The following STON1 variants were observed in gnomAD, a reference collection of about 807,000 sequenced individuals.
STON1 encodes the protein stonin 1.
A neutral mutation model predicts 60.9 loss-of-function variants in STON1; 79 were observed. That is an observed-to-expected ratio of 1.30 (90% confidence interval 1.08 to 1.56). STON1 has a LOEUF of 1.56. Ranked by LOEUF, STON1 falls within the 40% of genes most tolerant of loss-of-function variation. The probability of loss-of-function intolerance (pLI) is 0.00; values close to 1 mark genes in which losing one functional copy is unlikely to be tolerated. For synonymous variants in STON1, 363 were observed against 306.9 expected (o/e 1.18, Z -1.91); for missense variants, 1,166 against 858.9 (o/e 1.36, Z -4.47).
intron 1 of STON1, among the ~76,000 whole-genome samples, chr2:48,564,479 CTT>C (rs371577544): frequency 2.4e-4 from 6 of 25,192 alleles, no homozygotes; most frequent in African/African-American, 7.2e-4. Context: ...TCTTCTTCTT[CTT>C]TCTTCTTCTT....
In STON1 at chr2:48,596,298, G is replaced by T. The variant is rs1674779229; in HGVS notation, c.*996G>T. On this transcript the variant is annotated 3_prime_UTR_variant, in exon 4 of 4. Transcript: ENST00000404752. Reference sequence around the variant, plus strand: ...TCATTAAAAGGTGAGCAAAGTGAAAGATACTTGGTATTTTACCCAGATTTC... The same window carrying T: ...TCATTAAAAGGTGAGCAAAGTGAAATATACTTGGTATTTTACCCAGATTTC... 1 of 152,140 alleles carries T rather than the reference G, an allele frequency of 6.6e-6. No homozygotes were observed. Among genetic ancestry groups the T allele is most frequent in the Non-Finnish European group, 1.5e-5 (1 of 68,008 alleles). The allele number at this position is 152,140 out of a possible 1,614,324, so 9.4% of individuals were successfully genotyped here. A position where few individuals can be genotyped will look rare whatever the true frequency, so the allele number is the denominator to read the frequency against.
In STON1 at chr2:48,597,101, C is replaced by G. The variant is rs537667654; in HGVS notation, c.*1799C>G. ...CTCCTGACCTCAGGTGATCCACCAG[C>G]CTCGGCCTCCCAAAGTTCTGGGATT... On this transcript the variant is annotated 3_prime_UTR_variant, in exon 4 of 4. Coordinates refer to ENST00000404752, the MANE Select transcript of STON1 (RefSeq NM_006873.4). The G allele has an allele frequency of 6.6e-6, 1 of 152,336 alleles. No homozygotes were observed. Among genetic ancestry groups the G allele is most frequent in the East Asian group, 1.9e-4 (1 of 5,182 alleles). 9.4% of individuals were successfully genotyped at this position (152,336 alleles called of 1,614,324 possible). A position where few individuals can be genotyped will look rare whatever the true frequency, so the allele number is the denominator to read the frequency against.
chr2:48,550,444 C>T lies in STON1; in HGVS notation c.-48+20228C>T, dbSNP rs1031069693. On this transcript the variant is annotated intron_variant, in intron 1 of 3. Coordinates refer to ENST00000404752, the MANE Select transcript of STON1 (RefSeq NM_006873.4). ...CCTAGGAGGCAGAGGTTGTAGTCAG[C>T]TGAGATTGCACCATTGCACTCCAGC... 2.7e-5 allele frequency among the ~76,000 whole-genome samples: 4 copies of T among 150,610 alleles called. No homozygotes were observed. The Admixed American group carries it at 2.7e-4, about 10-fold the overall frequency.
chr2:48,580,833 T>C lies in STON1; in HGVS notation c.200T>C (p.Val67Ala). 6.5e-7 allele frequency: 1 copy of C among 1,547,300 alleles called. No homozygotes were observed. The highest frequency in any genetic ancestry group is 2.1e-5 in the Admixed American group (1 of 48,556). Reference sequence around the variant, plus strand: ...AGCACTCCTCTCTCCTCCCCCATTGTAGATTTTTATTTCAGTCCAGGACCT... The same window carrying C: ...AGCACTCCTCTCTCCTCCCCCATTGCAGATTTTTATTTCAGTCCAGGACCT... Reference protein sequence around the residue: ...TSSTPLSSPIVDFYFSPGPPS... With the variant: ...TSSTPLSSPIADFYFSPGPPS... The change falls in exon 2 of 4, where the codon GTA becomes GCA. Residue 67 changes from valine (V) to alanine (A), a missense_variant. Physicochemically the swap from Val to Ala is moderately conservative, Grantham distance 64. Coordinates refer to ENST00000404752, the MANE Select transcript of STON1 (RefSeq NM_006873.4).
chr2:48,542,700 C>T (rs1402143685), intron 1 of STON1, among the ~76,000 whole-genome samples: 8 of 152,024 alleles, frequency 5.3e-5, no homozygotes, highest in African/African-American at 1.7e-4. Context: ...AGGCCAGGAG[C>T]TCAAGACCAG....
rs551990746 is a variant in STON1, at chr2:48,563,810, C to T, written c.-47-16777C>T. Among the ~76,000 whole-genome samples, 77 of 152,234 alleles carry T rather than the reference C, an allele frequency of 5.1e-4. No homozygotes were observed. The East Asian group carries it at 0.013, about 26-fold the overall frequency. On this transcript the variant is annotated intron_variant, in intron 1 of 3. Coordinates refer to ENST00000404752, the MANE Select transcript of STON1 (RefSeq NM_006873.4). ...CCAGGTTCAAGCAGTTCTCTCACCT[C>T]GGCCTCCTAAGTAGCTGGGACTACA...
At chr2:48,590,636 A>AACACACACACACAGAC (rs1674456099) in intron 2 of STON1, among the ~76,000 whole-genome samples, 1 of 142,034 alleles carries the variant, frequency 7.0e-6, no homozygotes, top group Non-Finnish European at 1.5e-5. Context: ...ATTTCCTTAT[A>AACACACACACACAGAC]ACACACACAC....
chr2:48,576,990 C>T (rs1673547538), intron 1 of STON1, among the ~76,000 whole-genome samples: 1 of 151,076 alleles, frequency 6.6e-6, no homozygotes, highest in African/African-American at 2.4e-5. Context: ...GGAGATGGAG[C>T]TTGCCGTGAG....
intron 2 of STON1, among the ~76,000 whole-genome samples, chr2:48,584,796 T>C (rs1350478879): frequency 1.3e-5 from 2 of 152,100 alleles, no homozygotes; most frequent in Non-Finnish European, 2.9e-5. Flanking sequence ...CAGACTACAA[T>C]TGACTTGAGG....
chr2:48,595,335 G>A lies in STON1; in HGVS notation c.*33G>A, dbSNP rs779464345. 1.3e-6 allele frequency: 2 copies of A among 1,572,436 alleles called. No homozygotes were observed. The highest frequency in any genetic ancestry group is 3.4e-5 in the Admixed American group (2 of 59,526). ...AAGAGTTTATGATGACAGCCCACTT[G>A]TCAAATATGTAATTCACCGAAACCA... On this transcript the variant is annotated 3_prime_UTR_variant, in exon 4 of 4. Transcript: ENST00000404752.
chr2:48,575,887 C>A (rs1225326767), intron 1 of STON1, among the ~76,000 whole-genome samples: 1 of 150,124 alleles, frequency 6.7e-6, no homozygotes, highest in Non-Finnish European at 1.5e-5. Context: ...GCCTCCCAAG[C>A]AGCTGAGATT....
At chr2:48,530,850 T>C (rs1445357883) in intron 1 of STON1, 1 of 152,282 alleles carries the variant, frequency 6.6e-6, no homozygotes, top group African/African-American at 2.4e-5. Flanking sequence ...TCACTGGGTA[T>C]TGGGGTTGGG....
chr2:48,538,715 A>G (rs957064442), intron 1 of STON1, among the ~76,000 whole-genome samples: 6 of 148,344 alleles, frequency 4.0e-5, no homozygotes, highest in African/African-American at 1.5e-4. Flanking sequence ...CTGTTGCCTC[A>G]GCCTCCCGAG....
chr2:48,586,065 A>G (rs570981601), intron 2 of STON1, among the ~76,000 whole-genome samples: 1 of 152,362 alleles, frequency 6.6e-6, no homozygotes, highest in South Asian at 2.1e-4. Flanking sequence ...TGAAGGAAAT[A>G]AGCACTTGGC....
intron 1 of STON1, among the ~76,000 whole-genome samples, chr2:48,579,550 T>C (rs897574718): frequency 5.3e-5 from 8 of 152,240 alleles, no homozygotes; most frequent in African/African-American, 1.9e-4. Context: ...ATTATTAATT[T>C]CTAGTTTTAT....
In STON1 at chr2:48,597,766, A is replaced by G. The variant is rs994938526; in HGVS notation, c.*2464A>G. On this transcript the variant is annotated 3_prime_UTR_variant, in exon 4 of 4. Coordinates refer to ENST00000404752, the MANE Select transcript of STON1 (RefSeq NM_006873.4). The stretch of plus-strand genomic sequence containing the variant: ...TTAAATATTCATTACTTAATGTTAA[A>G]TTAACATTCTGTGTAGGGAGGGGAG... 2 of 152,600 alleles carry G rather than the reference A, an allele frequency of 1.3e-5. No individual in the cohort carries two copies. Among genetic ancestry groups the G allele is most frequent in the African/African-American group, 4.8e-5 (2 of 41,454 alleles). 9.5% of individuals were successfully genotyped at this position (152,600 alleles called of 1,614,324 possible).
intron 2 of STON1, among the ~76,000 whole-genome samples, chr2:48,586,051 G>A (rs1437683127): frequency 6.6e-6 from 1 of 152,224 alleles, no homozygotes; most frequent in Non-Finnish European, 1.5e-5. Context: ...GCTCCGGGAG[G>A]CCCTGAAGGA....
rs536191285 is a variant in STON1 at position 48,591,989 on chromosome 2, A to G, written c.2133+134A>G. 10 of 1,247,884 alleles carry G rather than the reference A, an allele frequency of 8.0e-6. 1 individual carries two copies. In the South Asian group the frequency reaches 1.6e-4, roughly 19 times the overall value. 77.3% of individuals were successfully genotyped at this position (1,247,884 alleles called of 1,614,324 possible). A position where few individuals can be genotyped will look rare whatever the true frequency, so the allele number is the denominator to read the frequency against. On this transcript the variant is annotated intron_variant, in intron 3 of 3. Transcript: ENST00000404752. ...ATTTGCCCTAGAGAGGATCTCAGCT[A>G]TGGAAACTTGATGGCCACCATTGAG...
intron 1 of STON1, among the ~76,000 whole-genome samples, chr2:48,545,019 C>T (rs116382400): frequency 0.027 from 4,125 of 152,232 alleles, 70 homozygotes; most frequent in Middle Eastern, 0.071. Flanking sequence ...TTGTGAAACT[C>T]CCGGTGACTC....
Sources: gnomAD v4.1 joint callset for allele counts (sites outside exome capture counted in the v4.1 genomes callset) on GRCh38, gnomAD v4.1.1 for gene constraint, MANE v1.5 for transcripts, NCBI Gene and HGNC (gene_info 2026-07-23, HGNC 2026-07-21) for gene names.